PCNX1: variants seen among roughly 807,000 people sequenced by gnomAD.
The protein encoded by PCNX1 is pecanex-like protein 1.
Under a neutral mutation model 242.2 loss-of-function variants are expected in PCNX1, and 78 were observed. The observed-to-expected ratio is 0.32, with a 90% confidence interval of 0.27 to 0.39. The LOEUF (loss-of-function observed/expected upper bound fraction) is 0.39, where lower values mean the gene tolerates loss of function less well. Among genes scored for constraint, PCNX1 ranks in the 10% least tolerant of loss-of-function variants. The pLI, the probability that PCNX1 is intolerant of heterozygous loss-of-function variation, is 1.00. For synonymous variants in PCNX1, 1,024 were observed against 1,032.9 expected (o/e 0.99, Z 0.17); for missense variants, 2,581 against 2,856.5 (o/e 0.90, Z 2.20).
chr14:71,039,253 C>G (rs79253066), intron 19 of PCNX1, among the ~76,000 whole-genome samples: 1 of 151,802 alleles, frequency 6.6e-6, no homozygotes, highest in Non-Finnish European at 1.5e-5. Flanking sequence ...ACAAAAAAAA[C>G]CAAATACTTA....
intron 7 of PCNX1, among the ~76,000 whole-genome samples, chr14:70,990,855 C>T (rs935398268): frequency 3.9e-5 from 6 of 152,076 alleles, no homozygotes; most frequent in South Asian, 2.1e-4. Context: ...AAGAGCTCAG[C>T]GTTTTATTTT....
At chr14:71,059,604 G>T (rs1343866827) in intron 26 of PCNX1, among the ~76,000 whole-genome samples, 1 of 151,794 alleles carries the variant, frequency 6.6e-6, no homozygotes, top group Non-Finnish European at 1.5e-5. Context: ...CCTTGCCAAG[G>T]CTGGTCTTGA....
At chr14:71,006,337 A>G (rs1246688979) in intron 8 of PCNX1, among the ~76,000 whole-genome samples, 1 of 152,046 alleles carries the variant, frequency 6.6e-6, no homozygotes, top group Non-Finnish European at 1.5e-5. Context: ...CTTGGCCAGT[A>G]TAATTTTTAC....
chr14:71,055,954 T>C (rs1298279486), intron 25 of PCNX1, among the ~76,000 whole-genome samples: 4 of 152,194 alleles, frequency 2.6e-5, no homozygotes, highest in Non-Finnish European at 5.9e-5. Flanking sequence ...ATTAATTTAA[T>C]TTGATTCAGT....
At chr14:70,963,631 T>C (rs2058288074) in intron 3 of PCNX1, among the ~76,000 whole-genome samples, 1 of 152,232 alleles carries the variant, frequency 6.6e-6, no homozygotes, top group African/African-American at 2.4e-5. Flanking sequence ...GATTAGCATG[T>C]TCATGATTTA....
chr14:70,976,060 TTACTC>T (rs1359837304), intron 5 of PCNX1, among the ~76,000 whole-genome samples: 5 of 152,230 alleles, frequency 3.3e-5, no homozygotes, highest in East Asian at 1.9e-4. Flanking sequence ...TTGTTTCTGA[TTACTC>T]TAGGTTTTCT....
At chr14:71,109,205 C>T (rs2062702778) in intron 34 of PCNX1, among the ~76,000 whole-genome samples, 159 bp downstream of exon 34, 1 of 152,180 alleles carries the variant, frequency 6.6e-6, no homozygotes, top group African/African-American at 2.4e-5. Context: ...AACTTAAAAA[C>T]TGAAAGCAAA....
chr14:71,099,679 T>C (rs894839080), intron 30 of PCNX1, among the ~76,000 whole-genome samples: 2 of 152,212 alleles, frequency 1.3e-5, no homozygotes, highest in Admixed American at 1.3e-4. Flanking sequence ...AGTGGGGTAT[T>C]GAAGTCCCGT....
chr14:70,922,500 T>C (rs2056415777), intron 1 of PCNX1, among the ~76,000 whole-genome samples: 1 of 151,968 alleles, frequency 6.6e-6, no homozygotes, highest in Non-Finnish European at 1.5e-5. Flanking sequence ...ATGTTATAAA[T>C]AAAATAAAAA....
At chr14:70,953,392 GT>G (rs1275134536) in intron 2 of PCNX1, among the ~76,000 whole-genome samples, 1 of 151,612 alleles carries the variant, frequency 6.6e-6, no homozygotes, top group Non-Finnish European at 1.5e-5. Context: ...GTCCATTTAG[GT>G]TTTTTCTTTT....
chr14:70,987,283 A>G (rs2059027790), intron 6 of PCNX1, among the ~76,000 whole-genome samples: 2 of 152,250 alleles, frequency 1.3e-5, no homozygotes, highest in Non-Finnish European at 2.9e-5. Context: ...TGCACTGTCC[A>G]GTAATGGTAA....
intron 33 of PCNX1, among the ~76,000 whole-genome samples, 188 bp downstream of exon 33, chr14:71,105,628 C>T (rs1432930805): frequency 1.1e-4 from 17 of 150,736 alleles, no homozygotes; most frequent in African/African-American, 2.2e-4. Context: ...CTGCAAGCTC[C>T]GCCTCCCGGG....
chr14:71,076,155 C>T (rs764347560), intron 27 of PCNX1, 34 bp from the exon 28 acceptor site: 56 of 1,269,016 alleles, frequency 4.4e-5, no homozygotes, highest in Non-Finnish European at 6.3e-5. Flanking sequence ...GTAATTTAAT[C>T]TGAATTCTTT....
chr14:70,973,143 C>T (rs2058590679), intron 5 of PCNX1, among the ~76,000 whole-genome samples: 1 of 151,452 alleles, frequency 6.6e-6, no homozygotes, highest in South Asian at 2.1e-4. Flanking sequence ...AGCTCAGCTA[C>T]CCAAGAGGCT....
At position 71,013,204 on chromosome 14, in the gene PCNX1, T is replaced by C; in HGVS notation, c.2996+2T>C. ...CACACTTTTGGCCCTGTTTGATAGG[T>C]GAGATTATAGTGTGATATTAATGAT... On this transcript the variant is annotated splice_donor_variant, in intron 11 of 35. Coordinates refer to ENST00000304743, the MANE Select transcript of PCNX1 (RefSeq NM_014982.3). LOFTEE classifies it high-confidence loss of function. 1 of 1,596,970 alleles carries C rather than the reference T, an allele frequency of 6.3e-7. No individual in the cohort carries two copies.
intron 26 of PCNX1, among the ~76,000 whole-genome samples, chr14:71,073,095 A>G (rs1435650099): frequency 6.6e-6 from 1 of 152,206 alleles, no homozygotes; most frequent in East Asian, 1.9e-4. Context: ...CAAGGTCTGG[A>G]GTTCAAGACC....
intron 24 of PCNX1, among the ~76,000 whole-genome samples, chr14:71,054,469 T>C (rs1213153932): frequency 6.6e-6 from 1 of 152,236 alleles, no homozygotes; most frequent in Non-Finnish European, 1.5e-5. Context: ...AGATAGGAGT[T>C]TCCCAAATTT....
At chr14:71,092,335 C>T (rs1471808452) in intron 30 of PCNX1, among the ~76,000 whole-genome samples, 3 of 152,128 alleles carry the variant, frequency 2.0e-5, no homozygotes, top group Non-Finnish European at 4.4e-5. Flanking sequence ...GAAAGGCATA[C>T]CTATGAACAC....
rs770353604 is a variant in PCNX1 at position 71,047,829 on chromosome 14, G to T, written c.4183G>T (p.Val1395Phe). 2 of 1,612,036 alleles carry T rather than the reference G, an allele frequency of 1.2e-6. No individual in the cohort carries two copies. The highest frequency in any genetic ancestry group is 1.7e-6 in the Non-Finnish European group (2 of 1,178,728). ...NTELGALMITVAGLKLLRSSF... is the reference protein window; with the variant it reads ...NTELGALMITFAGLKLLRSSF... ...CAGATTAGGTGCTTTAATGATCACTGTTGCTGGTTTGAAGTTGCTACGATC... is the reference window on the plus strand; with the variant it reads ...CAGATTAGGTGCTTTAATGATCACTTTTGCTGGTTTGAAGTTGCTACGATC... The change falls in exon 22 of 36, where the codon GTT becomes TTT. Residue 1395 changes from valine to phenylalanine, a missense_variant. By Grantham distance (50) the Val-to-Phe change is conservative (BLOSUM62 -1). Around this residue, in one of 9 missense-constraint regions of PCNX1, gnomAD observed 432 missense variants for 443.1 expected, o/e 0.97. Transcript: ENST00000304743.
Sources: allele counts gnomAD v4.1 joint callset (sites outside exome capture counted in the v4.1 genomes callset), GRCh38; gene constraint gnomAD v4.1.1; regional missense constraint gnomAD v4.1.1; transcripts MANE v1.5; gene names NCBI Gene and HGNC (gene_info 2026-07-23, HGNC 2026-07-21).